Variants in MAP2 observed in about 807,000 individuals in gnomAD.
MAP2 encodes the protein microtubule associated protein 2.
MAP2 carries 14 observed loss-of-function variants against 137.6 expected under a neutral mutation model. That is an observed-to-expected ratio of 0.10 (90% CI 0.07 to 0.16). The LOEUF (loss-of-function observed/expected upper bound fraction) is 0.16. MAP2 is among the 10% of genes least tolerant of loss of function. MAP2 has a pLI of 1.00. For missense variants in MAP2, 2,088 were observed against 2,191.5 expected, an observed-to-expected ratio of 0.95 and a Z score of 0.94; for synonymous variants, 786 against 782.3, an observed-to-expected ratio of 1.00 and a Z score of -0.08.
Position 209,653,215 on chromosome 2 carries a change from C to T in MAP2, c.45C>T (p.Thr15=), listed in dbSNP as rs773523726. 1.2e-6 allele frequency: 2 copies of T among 1,613,588 alleles called. No homozygotes were observed. The highest frequency in any genetic ancestry group is 1.7e-5 in the Admixed American group (1 of 59,922). ...ATGAAGCAAAGGCACCTCACTGGAC[C>T]TCAGCACCGCTAACAGAGGCATCTG... ...RKDEAKAPHW[T]SAPLTEASAH... Residue 15 remains threonine (T), a synonymous_variant, in exon 5 of 16, where the codon ACC becomes ACT. Transcript: ENST00000682079.
intron 2 of MAP2, among the ~76,000 whole-genome samples, chr2:209,555,811 G>A (rs2070428414): frequency 6.6e-6 from 1 of 152,028 alleles, no homozygotes; most frequent in Non-Finnish European, 1.5e-5. Context: ...TTTATAAACT[G>A]GAGAATGCCA....
chr2:209,640,425 T>C (rs1042759192), intron 4 of MAP2, among the ~76,000 whole-genome samples: 2 of 152,060 alleles, frequency 1.3e-5, no homozygotes, highest in African/African-American at 4.8e-5. Context: ...TTAGTAGTCA[T>C]ACATTCCAGC....
At chr2:209,436,010 A>G (rs1249148392) in intron 1 of MAP2, among the ~76,000 whole-genome samples, 2 of 61,168 alleles carry the variant, frequency 3.3e-5, no homozygotes, top group Non-Finnish European at 5.4e-5. Flanking sequence ...TATATACAGT[A>G]TATATTATAT....
Position 209,730,616 on chromosome 2 carries a change from G to T in MAP2, c.*219G>T, listed in dbSNP as rs913139720. On this transcript the variant is annotated 3_prime_UTR_variant, in exon 16 of 16. Transcript: ENST00000682079. ...CAACAGGAAGACACTGGCTTTACATGGGTTCAATTGGACAATTATTTTTGC... is the reference window on the plus strand; with the variant it reads ...CAACAGGAAGACACTGGCTTTACATTGGTTCAATTGGACAATTATTTTTGC... 1.5e-5 allele frequency: 8 copies of T among 536,326 alleles called. No individual in the cohort carries two copies. Among genetic ancestry groups the T allele is most frequent in the Admixed American group, 3.2e-5 (1 of 31,510 alleles). The allele number at this position is 536,326 out of a possible 1,614,324, so 33.2% of individuals were successfully genotyped here. A position where few individuals can be genotyped will look rare whatever the true frequency, so the allele number is the denominator to read the frequency against.
chr2:209,695,623 G>A lies in MAP2; in HGVS notation c.3453G>A (p.Lys1151=). The part of the protein sequence containing the change: ...TMESLKADEG[K]KETSPESSLI... ...AGTCCTTGAAAGCTGATGAGGGCAA[G>A]AAGGAAACATCTCCAGAATCATCTC... The change falls in exon 8 of 16, where the codon AAG becomes AAA. Residue 1151 remains lysine, a synonymous_variant. Transcript: ENST00000682079. 6.2e-7 allele frequency: 1 copy of A among 1,614,076 alleles called. No individual in the cohort carries two copies. The highest frequency in any genetic ancestry group is 8.5e-7 in the Non-Finnish European group (1 of 1,179,982).
In MAP2 at chr2:209,678,607, G is replaced by A. The variant is rs764626887; in HGVS notation, c.298G>A (p.Ala100Thr). 4.4e-6 allele frequency: 7 copies of A among 1,605,288 alleles called. No individual in the cohort carries two copies. The highest frequency in any genetic ancestry group is 6.0e-6 in the Non-Finnish European group (7 of 1,175,564). The change falls in exon 6 of 16, where the codon GCT (alanine) becomes ACT (threonine). Residue 100 changes from alanine to threonine, a missense_variant. By Grantham distance (58) the Ala-to-Thr change is moderately conservative. Transcript: ENST00000682079. ...VSARIVQVVT[A>T]EAVAVLKGEQ... ...TGCAAGGATAGTTCAAGTAGTCACT[G>A]CTGAGGCTGTAGCAGTCCTGAAAGG...
intron 2 of MAP2, among the ~76,000 whole-genome samples, chr2:209,533,387 C>T (rs752042416): frequency 3.3e-5 from 5 of 152,166 alleles, no homozygotes; most frequent in South Asian, 2.1e-4. Context: ...TCAGGTGATC[C>T]GCCTGCCTTG....
At chr2:209,524,818 G>A (rs1422223443) in intron 2 of MAP2, among the ~76,000 whole-genome samples, 1 of 152,002 alleles carries the variant, frequency 6.6e-6, no homozygotes, top group African/African-American at 2.4e-5. Context: ...ATTACAAAGG[G>A]TGTGAAAAAA....
chr2:209,435,000 A>G (rs1017529911), intron 1 of MAP2, among the ~76,000 whole-genome samples: 7 of 147,910 alleles, frequency 4.7e-5, no homozygotes, highest in African/African-American at 1.7e-4. Context: ...TAAATTCTGA[A>G]TAGTATTCTT....
At chr2:209,698,389 C>A (rs1355350909) in intron 10 of MAP2, among the ~76,000 whole-genome samples, 1 of 152,112 alleles carries the variant, frequency 6.6e-6, no homozygotes, top group Non-Finnish European at 1.5e-5. Context: ...TTGTAGTCTA[C>A]AAAATGACAG....
At chr2:209,650,965 C>G (rs1319566983) in intron 4 of MAP2, among the ~76,000 whole-genome samples, 1 of 151,684 alleles carries the variant, frequency 6.6e-6, no homozygotes, top group Non-Finnish European at 1.5e-5. Context: ...AACAAACAAA[C>G]AAAAAAGAAA....
chr2:209,455,497 C>T (rs900848097), intron 1 of MAP2, among the ~76,000 whole-genome samples: 11 of 152,124 alleles, frequency 7.2e-5, no homozygotes, highest in Non-Finnish European at 1.5e-4. Context: ...TGAAAGTGTA[C>T]TATTGTTTCA....
In MAP2 at chr2:209,653,293, T is replaced by G. The variant is rs1312450383; in HGVS notation, c.123T>G (p.Leu41=). The G allele has an allele frequency of 6.2e-7, 1 of 1,614,088 alleles. No individual in the cohort carries two copies. The highest frequency in any genetic ancestry group is 1.3e-5 in the African/African-American group (1 of 75,020). ...IKDQGGAGEG[L]VRSANGFPYR... ...ATCAAGGCGGAGCAGGGGAAGGACT[T>G]GTCCGAAGCGCCAATGGATTCCCAT... The change falls in exon 5 of 16, where the codon CTT becomes CTG. Residue 41 remains leucine, a synonymous_variant. Transcript: ENST00000682079.
chr2:209,566,614 A>G (rs1285526781), intron 2 of MAP2, among the ~76,000 whole-genome samples: 1 of 152,050 alleles, frequency 6.6e-6, no homozygotes, highest in African/African-American at 2.4e-5. Flanking sequence ...ATCAGTTTTC[A>G]TTTAATTCTT....
At chr2:209,723,163 G>T (rs2072044746) in intron 13 of MAP2, among the ~76,000 whole-genome samples, 2 of 152,196 alleles carry the variant, frequency 1.3e-5, no homozygotes, top group Non-Finnish European at 2.9e-5. Flanking sequence ...TAATAATTGT[G>T]ATGGCTGACT....
At chr2:209,707,879 C>A (rs1442745292) in intron 12 of MAP2, among the ~76,000 whole-genome samples, 1 of 152,016 alleles carries the variant, frequency 6.6e-6, no homozygotes, top group Non-Finnish European at 1.5e-5. Flanking sequence ...AAAATTATTT[C>A]ATATAGTAAA....
At chr2:209,470,634 C>T (rs1038048371) in intron 1 of MAP2, among the ~76,000 whole-genome samples, 1 of 152,020 alleles carries the variant, frequency 6.6e-6, no homozygotes, top group Non-Finnish European at 1.5e-5. Flanking sequence ...CAACCTCACC[C>T]GCATTAACAG....
chr2:209,484,004 G>A (rs2058052104), intron 1 of MAP2, among the ~76,000 whole-genome samples: 1 of 152,108 alleles, frequency 6.6e-6, no homozygotes, highest in Admixed American at 6.5e-5. Flanking sequence ...GCTGGGAGCT[G>A]TATCTCATTG....
chr2:209,475,203 C>T (rs1052653946), intron 1 of MAP2, among the ~76,000 whole-genome samples: 10 of 152,058 alleles, frequency 6.6e-5, no homozygotes, highest in Admixed American at 1.3e-4. Context: ...TGTTTATACA[C>T]GTACACAAAT....
Sources: gnomAD v4.1 joint callset for allele counts (sites outside exome capture counted in the v4.1 genomes callset) on GRCh38, gnomAD v4.1.1 for gene constraint, MANE v1.5 for transcripts, NCBI Gene and HGNC (gene_info 2026-07-23, HGNC 2026-07-21) for gene names.